Variants in ADGRB3 observed in about 807,000 individuals in gnomAD.
ADGRB3 encodes the protein brain-specific angiogenesis inhibitor 3.
A neutral mutation model predicts 193.4 loss-of-function variants in ADGRB3; 37 were observed. The ratio of observed to expected loss-of-function variants is 0.19; its 90% CI spans 0.15 to 0.25. ADGRB3 has a LOEUF of 0.25. Among genes scored for constraint, ADGRB3 ranks in the 10% least tolerant of loss-of-function variants. ADGRB3 has a pLI of 1.00. For missense variants in ADGRB3, 1,637 were observed against 1,852.9 expected, an observed-to-expected ratio of 0.88 and a Z score of 2.14; for synonymous variants, 690 against 644.2, an observed-to-expected ratio of 1.07 and a Z score of -1.08.
At chr6:68,904,076 AGGGCTGGAGGGCGGG>A (rs1766474332) in intron 3 of ADGRB3, among the ~76,000 whole-genome samples, 1 of 84,970 alleles carries the variant, frequency 1.2e-5, no homozygotes, top group Non-Finnish European at 2.2e-5. Context: ...GGAAGGAGGG[AGGGCTGGAGGGCGGG>A]AGGAAGGAAG....
At chr6:69,175,436 A>G (rs544894519) in intron 17 of ADGRB3, among the ~76,000 whole-genome samples, 13 of 152,246 alleles carry the variant, frequency 8.5e-5, no homozygotes, top group African/African-American at 3.1e-4. Flanking sequence ...TTTGTTGTAA[A>G]TCAGATGGCT....
chr6:68,727,967 C>G (rs1381181555), intron 3 of ADGRB3, among the ~76,000 whole-genome samples: 1 of 151,444 alleles, frequency 6.6e-6, no homozygotes, highest in Non-Finnish European at 1.5e-5. Flanking sequence ...ATAAAATAAT[C>G]AAGCATTTAT....
At chr6:69,355,099 A>G (rs1769311092) in intron 27 of ADGRB3, among the ~76,000 whole-genome samples, 1 of 152,192 alleles carries the variant, frequency 6.6e-6, no homozygotes, top group African/African-American at 2.4e-5. Flanking sequence ...AAAAACAAAT[A>G]GATAGCCAAA....
intron 3 of ADGRB3, among the ~76,000 whole-genome samples, chr6:68,761,077 C>T (rs991196999): frequency 1.3e-5 from 2 of 152,114 alleles, no homozygotes; most frequent in Non-Finnish European, 2.9e-5. Context: ...CCTCCTCCAG[C>T]GGATGTTCTC....
Position 69,388,969 on chromosome 6 carries a change from T to C in ADGRB3, c.*78T>C. ...AGACTTGGGAAGCCTGACATTTCTA[T>C]CTGGACAGTGTGACTATCTTATGTC... On this transcript the variant is annotated 3_prime_UTR_variant, in exon 32 of 32. Transcript: ENST00000370598. 7.2e-7 allele frequency: 1 copy of C among 1,395,756 alleles called. No individual in the cohort carries two copies. The highest frequency in any genetic ancestry group is 9.7e-7 in the Non-Finnish European group (1 of 1,028,728). 86.5% of individuals were successfully genotyped at this position (1,395,756 alleles called of 1,614,324 possible).
At chr6:68,825,769 T>A (rs1767831979) in intron 3 of ADGRB3, among the ~76,000 whole-genome samples, 1 of 152,240 alleles carries the variant, frequency 6.6e-6, no homozygotes, top group Admixed American at 6.5e-5. Context: ...TGCTGCCTTG[T>A]GAAGAAAGTG....
At chr6:68,693,478 T>C (rs1430871651) in intron 3 of ADGRB3, among the ~76,000 whole-genome samples, 1 of 151,970 alleles carries the variant, frequency 6.6e-6, no homozygotes, top group African/African-American at 2.4e-5. Flanking sequence ...CTCAGCTCCA[T>C]AGAATCAATT....
At position 69,360,952 on chromosome 6, in the gene ADGRB3, G is replaced by C. The variant is rs1456533751; in HGVS notation, c.3679G>C (p.Glu1227Gln). The C allele has an allele frequency of 1.2e-6, 2 of 1,612,500 alleles. No individual in the cohort carries two copies. The highest frequency in any genetic ancestry group is 2.7e-5 in the African/African-American group (2 of 74,910). The change falls in exon 29 of 32, where the codon GAA (glutamate) becomes CAA (glutamine). Residue 1227 changes from glutamate to glutamine, a missense_variant. Glu to Gln is a conservative substitution (Grantham distance 29). Coordinates refer to ENST00000370598, the MANE Select transcript of ADGRB3 (RefSeq NM_001704.3). ...SRISLNDDEEEKGTNPEGLSY... is the reference protein window; with the variant it reads ...SRISLNDDEEQKGTNPEGLSY... The stretch of plus-strand genomic sequence containing the variant: ...GATTTCTCTAAATGATGATGAAGAA[G>C]AAAAGGGAACAAACCCTGAAGGGCT...
At chr6:68,693,806 G>A (rs1000624874) in intron 3 of ADGRB3, among the ~76,000 whole-genome samples, 3 of 151,954 alleles carry the variant, frequency 2.0e-5, no homozygotes, top group African/African-American at 7.2e-5. Flanking sequence ...GCATTGGTAT[G>A]TTTTTAAGCG....
chr6:69,092,897 C>T (rs1268624201), intron 17 of ADGRB3, among the ~76,000 whole-genome samples: 1 of 152,110 alleles, frequency 6.6e-6, no homozygotes, highest in Non-Finnish European at 1.5e-5. Flanking sequence ...AGAGCACTTA[C>T]CTTGTTGAGA....
intron 3 of ADGRB3, among the ~76,000 whole-genome samples, chr6:68,827,829 G>C (rs559870731): frequency 1.3e-5 from 2 of 152,166 alleles, no homozygotes; most frequent in African/African-American, 4.8e-5. Flanking sequence ...GAGCCACAGT[G>C]GCCTTTCAGT....
At chr6:69,121,506 G>A (rs189824224) in intron 17 of ADGRB3, among the ~76,000 whole-genome samples, 510 of 152,232 alleles carry the variant, frequency 3.4e-3, no homozygotes, top group Non-Finnish European at 3.7e-3. Context: ...GCCCGTTCTC[G>A]ATGGTCGCTG....
In ADGRB3 at chr6:69,165,365, G is replaced by A. The variant is rs142262971; in HGVS notation, c.2481-67925G>A. On this transcript the variant is annotated intron_variant, in intron 17 of 31. Transcript: ENST00000370598. ...AGGACACAAGATATCTGTCATTTTTGTGTCATCCTTGGGAACTATCTTCTC... is the reference window on the plus strand; with the variant it reads ...AGGACACAAGATATCTGTCATTTTTATGTCATCCTTGGGAACTATCTTCTC... Among the ~76,000 whole-genome samples, 186 of 151,950 alleles carry A rather than the reference G, an allele frequency of 1.2e-3. 2 individuals carry two copies. In the South Asian group the frequency reaches 0.031, roughly 25 times the overall value.
At chr6:68,967,861 C>T (rs942690697) in intron 8 of ADGRB3, among the ~76,000 whole-genome samples, 4 of 151,364 alleles carry the variant, frequency 2.6e-5, no homozygotes, top group Non-Finnish European at 5.9e-5. Context: ...AGATTGAAGG[C>T]GGGAAAGACA....
chr6:69,079,158 T>C (rs558013361), intron 17 of ADGRB3, among the ~76,000 whole-genome samples: 72 of 152,204 alleles, frequency 4.7e-4, no homozygotes, highest in Admixed American at 1.2e-3. Context: ...AAAGGCATTT[T>C]ATTTTACTAT....
chr6:68,875,274 C>G (rs1193324341), intron 3 of ADGRB3, among the ~76,000 whole-genome samples: 1 of 134,256 alleles, frequency 7.4e-6, no homozygotes, highest in Non-Finnish European at 1.6e-5. Context: ...CTTCCCCTCC[C>G]CTCCCCTTAC....
At chr6:68,907,685 T>G (rs1182189332) in intron 3 of ADGRB3, among the ~76,000 whole-genome samples, 3 of 151,962 alleles carry the variant, frequency 2.0e-5, no homozygotes, top group Non-Finnish European at 4.4e-5. Flanking sequence ...ATGGACCCTG[T>G]TTTTAGTTGT....
chr6:69,010,900 G>T (rs1214647754), intron 11 of ADGRB3, among the ~76,000 whole-genome samples: 1 of 151,892 alleles, frequency 6.6e-6, no homozygotes, highest in Admixed American at 6.6e-5. Context: ...CATCAAAAGA[G>T]AACTATTATC....
intron 3 of ADGRB3, among the ~76,000 whole-genome samples, chr6:68,726,080 C>A (rs958469441): frequency 6.6e-6 from 1 of 151,708 alleles, no homozygotes; most frequent in African/African-American, 2.4e-5. Flanking sequence ...GACACCAGTT[C>A]ATGCAGTTAA....
Sources: allele counts gnomAD v4.1 joint callset (sites outside exome capture counted in the v4.1 genomes callset), GRCh38; gene constraint gnomAD v4.1.1; transcripts MANE v1.5; gene names NCBI Gene and HGNC (gene_info 2026-07-23, HGNC 2026-07-21).